DMXL1: variants seen among roughly 807,000 people sequenced by gnomAD.
The protein encoded by DMXL1 is dmX-like protein 1.
DMXL1 carries 99 observed loss-of-function variants against 319.2 expected under a neutral mutation model. The observed-to-expected ratio is 0.31, with a 90% CI of 0.26 to 0.37. The LOEUF (loss-of-function observed/expected upper bound fraction) is 0.37, where lower values mean the gene tolerates loss of function less well. DMXL1 is among the 10% of genes least tolerant of loss of function. The probability of loss-of-function intolerance (pLI) is 1.00; values close to 1 mark genes in which losing one functional copy is unlikely to be tolerated. For synonymous variants in DMXL1, 1,385 were observed against 1,235.2 expected (o/e 1.12, Z -2.54); for missense variants, 3,745 against 3,595.6 (o/e 1.04, Z -1.06).
chr5:119,207,187 A>G lies in DMXL1; in HGVS notation c.7926+291A>G, dbSNP rs1012019519. 4.6e-5 allele frequency among the ~76,000 whole-genome samples: 7 copies of G among 152,184 alleles called. 1 individual carries two copies. The highest frequency in any genetic ancestry group is 2.1e-4 in the South Asian group (1 of 4,834). On this transcript the variant is annotated intron_variant, in intron 34 of 43. Coordinates refer to ENST00000539542, the MANE Select transcript of DMXL1 (RefSeq NM_001290321.3). ...CTTAATACATGTGATTACAATAGCAATTGTCTAGTAGTATTGTTTTAATTC... is the reference window on the plus strand; with the variant it reads ...CTTAATACATGTGATTACAATAGCAGTTGTCTAGTAGTATTGTTTTAATTC...
chr5:119,126,993 C>T (rs1763740902), intron 9 of DMXL1: 1 of 166,558 alleles, frequency 6.0e-6, no homozygotes, highest in Non-Finnish European at 1.5e-5. Context: ...TGAACGCCTG[C>T]TTCATCTTTG....
chr5:119,146,740 C>T (rs1211585141), intron 15 of DMXL1, 97 bp from the exon 16 acceptor site: 3 of 1,244,086 alleles, frequency 2.4e-6, no homozygotes, highest in Admixed American at 5.4e-5. Context: ...AGTTTTTAAT[C>T]TTCTTTTTTT....
intron 43 of DMXL1, among the ~76,000 whole-genome samples, chr5:119,245,999 A>G (rs1415310683): frequency 2.0e-5 from 3 of 152,196 alleles, no homozygotes; most frequent in Non-Finnish European, 2.9e-5. Flanking sequence ...TAGAGTAAAG[A>G]AACGTTTAGA....
intron 37 of DMXL1, among the ~76,000 whole-genome samples, chr5:119,221,920 A>G (rs1445239385): frequency 6.6e-6 from 1 of 151,926 alleles, no homozygotes; most frequent in Non-Finnish European, 1.5e-5. Context: ...TGTGATTCAT[A>G]TTTGTACTTC....
At chr5:119,178,496 T>G in intron 28 of DMXL1, 1 of 522,206 alleles carries the variant, frequency 1.9e-6, no homozygotes, top group Non-Finnish European at 2.5e-6. Flanking sequence ...CTACTGAAAC[T>G]TTCATTTGTT....
At chr5:119,108,220 T>A (rs1580740858) in intron 4 of DMXL1, among the ~76,000 whole-genome samples, 1 of 152,222 alleles carries the variant, frequency 6.6e-6, no homozygotes, top group East Asian at 1.9e-4. Context: ...AAAAAGTGAT[T>A]GTTCTAGAAA....
intron 7 of DMXL1, among the ~76,000 whole-genome samples, chr5:119,117,958 C>A (rs1467405962): frequency 6.6e-6 from 1 of 152,222 alleles, no homozygotes; most frequent in African/African-American, 2.4e-5. Flanking sequence ...TATGCTGGAA[C>A]AAGTTACTAC....
At chr5:119,211,092 A>C (rs926610734) in intron 34 of DMXL1, among the ~76,000 whole-genome samples, 1 of 149,302 alleles carries the variant, frequency 6.7e-6, no homozygotes, top group Non-Finnish European at 1.5e-5. Context: ...AAAAAATGTT[A>C]AACCAATCTA....
In DMXL1 at chr5:119,129,828, G is replaced by A. The variant is rs144152686; in HGVS notation, c.1315+405G>A. 2.8e-3 allele frequency among the ~76,000 whole-genome samples: 433 copies of A among 152,328 alleles called. 3 individuals are homozygous for A. Among genetic ancestry groups the A allele is most frequent in the African/African-American group, 9.7e-3 (405 of 41,582 alleles). ...AAAGTTTGAGAAGCATTGAAACTAG[G>A]ACATTAAATTTCTCTGCCTTTGGCC... On this transcript the variant is annotated intron_variant, in intron 10 of 43. Transcript: ENST00000539542.
At chr5:119,217,694 A>G (rs1341017900) in intron 35 of DMXL1, among the ~76,000 whole-genome samples, 2 of 152,190 alleles carry the variant, frequency 1.3e-5, no homozygotes, top group African/African-American at 2.4e-5. Flanking sequence ...TAAGATGTTC[A>G]TATGTTCCTA....
intron 35 of DMXL1, among the ~76,000 whole-genome samples, chr5:119,217,982 G>A (rs948055276): frequency 6.6e-6 from 1 of 152,006 alleles, no homozygotes; most frequent in Non-Finnish European, 1.5e-5. Context: ...AGACAGTTCT[G>A]TTATCAAAGA....
At chr5:119,180,664 A>G (rs1438447844) in intron 28 of DMXL1, among the ~76,000 whole-genome samples, 1 of 152,114 alleles carries the variant, frequency 6.6e-6, no homozygotes, top group African/African-American at 2.4e-5. Flanking sequence ...TGCTTTTTGT[A>G]TAGATTTTTT....
chr5:119,208,124 G>A (rs1224243256), intron 34 of DMXL1, among the ~76,000 whole-genome samples: 2 of 151,718 alleles, frequency 1.3e-5, no homozygotes, highest in African/African-American at 4.8e-5. Flanking sequence ...GGTTTTGAGG[G>A]AATATAATTC....
At chr5:119,096,648 G>A (rs1446869448) in intron 1 of DMXL1, among the ~76,000 whole-genome samples, 1 of 152,042 alleles carries the variant, frequency 6.6e-6, no homozygotes, top group African/African-American at 2.4e-5. Context: ...ACCCTGTAAT[G>A]GAAAAAACTC....
intron 4 of DMXL1, 98 bp from the exon 5 acceptor site, chr5:119,110,053 C>T: frequency 8.4e-7 from 1 of 1,196,082 alleles, no homozygotes; most frequent in Non-Finnish European, 1.1e-6. Flanking sequence ...TGATATTTGA[C>T]TTTTTTTTAG....
chr5:119,210,757 G>GTTTTTTTTTTTTTTTTTTTTTTCCTTT, intron 34 of DMXL1, among the ~76,000 whole-genome samples: 1 of 89,778 alleles, frequency 1.1e-5, no homozygotes, highest in South Asian at 4.4e-4. Flanking sequence ...TTTTTCTTTC[G>GTTTTTTTTTTTTTTTTTTTTTTCCTTT]TTTTTTTTTT....
intron 13 of DMXL1, among the ~76,000 whole-genome samples, chr5:119,136,302 G>A (rs915920516): frequency 2.6e-5 from 4 of 152,240 alleles, no homozygotes; most frequent in Admixed American, 1.3e-4. Flanking sequence ...AATGCATTCA[G>A]TTATATGTGT....
chr5:119,149,233 A>C lies in DMXL1; in HGVS notation c.3406A>C (p.Thr1136Pro). The C allele has an allele frequency of 6.2e-7, 1 of 1,613,932 alleles. No individual in the cohort carries two copies. Among genetic ancestry groups the C allele is most frequent in the Middle Eastern group, 1.7e-4 (1 of 6,052 alleles). The change falls in exon 18 of 44, where the codon ACA becomes CCA. Residue 1136 changes from threonine (T) to proline (P), a missense_variant. This residue lies in a region of DMXL1 where 2,096 missense variants were observed against 1,985.4 expected (regional missense o/e 1.06). Coordinates refer to ENST00000539542, the MANE Select transcript of DMXL1 (RefSeq NM_001290321.3). ...TAGTAAAGAGAATATCACATCAAAC[A>C]CAAAGCATTTAGTTCACTTAGATTG... ...LSSKENITSN[T>P]KHLVHLDWMS...
Position 119,116,753 on chromosome 5 carries a change from A to T in DMXL1, c.743+417A>T, listed in dbSNP as rs1030981816. On this transcript the variant is annotated intron_variant, in intron 7 of 43. Coordinates refer to ENST00000539542, the MANE Select transcript of DMXL1 (RefSeq NM_001290321.3). ...TTTAAAAAATAGCTTTATTAAGAGG[A>T]TATATCATGAGTTCTTGTATGTTTA... Among the ~76,000 whole-genome samples the T allele has an allele frequency of 3.3e-5, 5 of 152,126 alleles. No individual in the cohort carries two copies. In the East Asian group the frequency reaches 9.6e-4, roughly 29 times the overall value.
Sources: allele counts gnomAD v4.1 joint callset (sites outside exome capture counted in the v4.1 genomes callset), GRCh38; gene constraint gnomAD v4.1.1; regional missense constraint gnomAD v4.1.1; transcripts MANE v1.5; gene names NCBI Gene and HGNC (gene_info 2026-07-23, HGNC 2026-07-21).